Variants in EVA1C observed in about 807,000 individuals in gnomAD.
EVA1C encodes protein eva-1 homolog C.
EVA1C carries 25 observed loss-of-function variants against 45.4 expected under a neutral mutation model. That is an observed-to-expected ratio of 0.55 (90% CI 0.40 to 0.77). The LOEUF is 0.77. EVA1C is among the 30% of genes least tolerant of loss of function. EVA1C has a pLI of 0.00. For synonymous variants in EVA1C, 190 were observed against 221.2 expected, an observed-to-expected ratio of 0.86 and a Z score of 1.25; for missense variants, 479 against 554.8, an observed-to-expected ratio of 0.86 and a Z score of 1.37.
chr21:32,453,645 G>A (rs111307937), intron 2 of EVA1C, 137 bp downstream of exon 2: 78,902 of 630,712 alleles, frequency 0.13, 5,815 homozygotes, highest in Middle Eastern at 0.21. Context: ...AATTTATACA[G>A]ATCACCAGTT....
At chr21:32,483,859 G>A (rs1050525112) in intron 4 of EVA1C, among the ~76,000 whole-genome samples, 2 of 151,956 alleles carry the variant, frequency 1.3e-5, no homozygotes, top group African/African-American at 2.4e-5. Flanking sequence ...GAACCTTCAT[G>A]GATATAAGAC....
At chr21:32,479,846 T>C (rs1237413618) in intron 4 of EVA1C, among the ~76,000 whole-genome samples, 1 of 123,008 alleles carries the variant, frequency 8.1e-6, no homozygotes, top group African/African-American at 3.2e-5. Context: ...TCCCAGCTAC[T>C]CTTTTTTTTT....
upstream of EVA1C, chr21:32,412,564 GC>G (rs1408745129): frequency 9.1e-6 from 3 of 331,466 alleles, no homozygotes; most frequent in African/African-American, 4.3e-5. Flanking sequence ...TTTCCCTACG[GC>G]CCCCCTCGCT....
At chr21:32,463,579 A>G (rs1038417779) in intron 3 of EVA1C, among the ~76,000 whole-genome samples, 14 of 152,330 alleles carry the variant, frequency 9.2e-5, no homozygotes, top group African/African-American at 3.1e-4. Flanking sequence ...TGGTTTGCCC[A>G]TAATCTGGGG....
chr21:32,441,469 C>T (rs2035170753), intron 1 of EVA1C, among the ~76,000 whole-genome samples: 2 of 151,282 alleles, frequency 1.3e-5, no homozygotes, highest in African/African-American at 4.9e-5. Flanking sequence ...CAAGAAGGCA[C>T]CGTGGCTGAA....
intron 7 of EVA1C, among the ~76,000 whole-genome samples, chr21:32,507,132 A>G (rs760824977): frequency 6.6e-6 from 1 of 152,246 alleles, no homozygotes; most frequent in East Asian, 1.9e-4. Context: ...CAGAAGGGAC[A>G]GGAGGATGTC....
intron 4 of EVA1C, among the ~76,000 whole-genome samples, chr21:32,477,929 C>T (rs2036641391): frequency 1.3e-5 from 1 of 76,992 alleles, no homozygotes; most frequent in South Asian, 5.7e-4. Flanking sequence ...CTCTCACCTC[C>T]CCCATACGCT....
intron 1 of EVA1C, among the ~76,000 whole-genome samples, chr21:32,432,296 A>C (rs2146164428): frequency 6.6e-6 from 1 of 152,240 alleles, no homozygotes; most frequent in African/African-American, 2.4e-5. Context: ...TATATTGCAG[A>C]AGCCGTCATC....
intron 4 of EVA1C, among the ~76,000 whole-genome samples, chr21:32,482,656 G>A (rs184951699): frequency 2.0e-5 from 3 of 152,174 alleles, no homozygotes; most frequent in Non-Finnish European, 4.4e-5. Context: ...CACATGCCTC[G>A]AACCCCAGCA....
intron 7 of EVA1C, among the ~76,000 whole-genome samples, chr21:32,511,437 A>G (rs1350195445): frequency 1.3e-5 from 2 of 150,826 alleles, no homozygotes; most frequent in East Asian, 3.9e-4. Flanking sequence ...AAAAAAAAAA[A>G]AAAAGAAAGA....
intron 1 of EVA1C, among the ~76,000 whole-genome samples, chr21:32,447,429 T>A (rs2035404163): frequency 6.6e-6 from 1 of 152,068 alleles, no homozygotes; most frequent in Non-Finnish European, 1.5e-5. Context: ...GCATATGTAT[T>A]TATCTGTACA....
chr21:32,415,771 G>A (rs1415494196), intron 1 of EVA1C, among the ~76,000 whole-genome samples: 3 of 152,100 alleles, frequency 2.0e-5, no homozygotes, highest in Non-Finnish European at 4.4e-5. Flanking sequence ...TGTCGCCAGC[G>A]GCCACTGGAA....
intron 7 of EVA1C, among the ~76,000 whole-genome samples, chr21:32,513,579 G>T (rs1438690599): frequency 2.3e-5 from 3 of 127,850 alleles, no homozygotes; most frequent in Non-Finnish European, 4.7e-5. Flanking sequence ...TTGAGGCAGG[G>T]TCTCACACTA....
chr21:32,416,104 C>T (rs531639804), intron 1 of EVA1C, among the ~76,000 whole-genome samples: 43 of 135,272 alleles, frequency 3.2e-4, no homozygotes, highest in Admixed American at 4.7e-4. Flanking sequence ...TCTTGAGTAG[C>T]AGCCATAAAA....
chr21:32,455,866 G>A (rs1260010419), intron 2 of EVA1C, among the ~76,000 whole-genome samples: 1 of 152,106 alleles, frequency 6.6e-6, no homozygotes, highest in African/African-American at 2.4e-5. Flanking sequence ...TCAACCAGAG[G>A]TCAAGAAGTC....
At chr21:32,442,241 G>T (rs374113271) in intron 1 of EVA1C, among the ~76,000 whole-genome samples, 1 of 152,272 alleles carries the variant, frequency 6.6e-6, no homozygotes, top group East Asian at 1.9e-4. Flanking sequence ...GCTATCCTTG[G>T]TCATCCCTAA....
chr21:32,491,821 AG>A, intron 4 of EVA1C, among the ~76,000 whole-genome samples: 1 of 151,610 alleles, frequency 6.6e-6, no homozygotes, highest in African/African-American at 2.4e-5. Flanking sequence ...ATGGCAGGAG[AG>A]TAGGAGGAGA....
At chr21:32,464,910 G>C (rs2036121952) in intron 3 of EVA1C, among the ~76,000 whole-genome samples, 1 of 152,198 alleles carries the variant, frequency 6.6e-6, no homozygotes. Flanking sequence ...ACCAGGATAA[G>C]AAGATCCAGC....
In EVA1C at chr21:32,486,259, G is replaced by A. The variant is rs192220979; in HGVS notation, c.635-8768G>A. ...CTGCCTCAACCTCCCAAGTAGCTGG[G>A]ACTACAGGTGTGTGCCACCACACCC... On this transcript the variant is annotated intron_variant, in intron 4 of 7. Coordinates refer to ENST00000300255, the MANE Select transcript of EVA1C (RefSeq NM_058187.5). Among the ~76,000 whole-genome samples the A allele has an allele frequency of 4.9e-3, 750 of 152,310 alleles. 1 individual carries two copies. The highest frequency in any genetic ancestry group is 0.017 in the African/African-American group (717 of 41,564).
Sources: allele counts gnomAD v4.1 joint callset (sites outside exome capture counted in the v4.1 genomes callset), GRCh38; gene constraint gnomAD v4.1.1; transcripts MANE v1.5; gene names NCBI Gene and HGNC (gene_info 2026-07-23, HGNC 2026-07-21).